PNOC: variants seen among roughly 807,000 people sequenced by gnomAD.
PNOC encodes the protein prepronociceptin.
Under a neutral mutation model 15.6 loss-of-function variants are expected in PNOC, and 10 were observed. That is an observed-to-expected ratio of 0.64 (90% confidence interval 0.40 to 1.09). PNOC has a LOEUF of 1.09. Among genes scored for constraint, PNOC ranks in the 50% least tolerant of loss-of-function variants. The probability of loss-of-function intolerance (pLI) is 0.01; values close to 1 mark genes in which losing one functional copy is unlikely to be tolerated. For missense variants in PNOC, 220 were observed against 223.9 expected, an observed-to-expected ratio of 0.98 and a Z score of 0.11; for synonymous variants, 98 against 88.5, an observed-to-expected ratio of 1.11 and a Z score of -0.60.
chr8:28,342,210 G>A (rs1331423155), intron 3 of PNOC, among the ~76,000 whole-genome samples: 1 of 151,990 alleles, frequency 6.6e-6, no homozygotes, highest in Non-Finnish European at 1.5e-5. Context: ...CCACTTAGCC[G>A]GGCGTTGTGG....
chr8:28,339,586 C>G, intron 3 of PNOC, 95 bp downstream of exon 3: 2 of 981,972 alleles, frequency 2.0e-6, no homozygotes, highest in Non-Finnish European at 2.8e-6. Flanking sequence ...TTCATCTCCC[C>G]GCCCCCTCCC....
intron 2 of PNOC, among the ~76,000 whole-genome samples, chr8:28,331,783 C>G (rs1345790515): frequency 6.6e-6 from 1 of 152,158 alleles, no homozygotes; most frequent in Non-Finnish European, 1.5e-5. Flanking sequence ...TCCTCATGTT[C>G]TGATTGTTAG....
chr8:28,342,145 G>C (rs1801530603), intron 3 of PNOC, among the ~76,000 whole-genome samples: 1 of 152,090 alleles, frequency 6.6e-6, no homozygotes. Flanking sequence ...AGAAGTTTGA[G>C]ACCAGCCTGG....
chr8:28,330,555 G>A (rs1391581451), intron 2 of PNOC, among the ~76,000 whole-genome samples: 4 of 128,374 alleles, frequency 3.1e-5, no homozygotes, highest in African/African-American at 1.1e-4. Flanking sequence ...CACCACACCC[G>A]GCTACTTTTT....
chr8:28,330,020 C>T (rs867006465), intron 2 of PNOC, among the ~76,000 whole-genome samples: 14 of 152,134 alleles, frequency 9.2e-5, no homozygotes, highest in African/African-American at 3.1e-4. Flanking sequence ...GATCTCAGTT[C>T]ACTGCAACAT....
chr8:28,329,413 A>G (rs970242114), intron 2 of PNOC, 130 bp downstream of exon 2: 3 of 1,008,284 alleles, frequency 3.0e-6, no homozygotes, highest in East Asian at 5.1e-5. Flanking sequence ...TCAGCATTAC[A>G]TGGCCCATAG....
intron 2 of PNOC, among the ~76,000 whole-genome samples, chr8:28,336,697 G>A (rs891157012): frequency 6.6e-6 from 1 of 152,070 alleles, no homozygotes; most frequent in African/African-American, 2.4e-5. Context: ...GTAATGACAT[G>A]ATTAGTTACT....
Position 28,339,284 on chromosome 8 carries a change from A to G in PNOC, c.371A>G (p.Lys124Arg), listed in dbSNP as rs1352709492. ...GAGGAGGCTGGTGAGATGGAGCAGA[A>G]GCAGCTGCAGAAGAGATTTGGGGGC... The part of the protein sequence containing the change: ...GMEEAGEMEQ[K>R]QLQKRFGGFT... Residue 124 changes from lysine (K) to arginine (R), a missense_variant, in exon 3 of 4, where the codon AAG (lysine) becomes AGG (arginine). Physicochemically the swap from Lys to Arg is conservative, Grantham distance 26. Transcript: ENST00000301908. 2 of 1,610,756 alleles carry G rather than the reference A, an allele frequency of 1.2e-6. No individual in the cohort carries two copies. The highest frequency in any genetic ancestry group is 2.2e-5 in the East Asian group (1 of 44,804).
intron 1 of PNOC, among the ~76,000 whole-genome samples, chr8:28,323,391 T>A (rs544806342): frequency 1.3e-5 from 2 of 152,210 alleles, no homozygotes; most frequent in Non-Finnish European, 2.9e-5. Context: ...CCTACTCAGG[T>A]AACTTTTGAT....
chr8:28,340,977 A>G (rs1046785830), intron 3 of PNOC, among the ~76,000 whole-genome samples: 2 of 152,252 alleles, frequency 1.3e-5, no homozygotes, highest in African/African-American at 2.4e-5. Context: ...TCTAAACTGT[A>G]TCATTGTCCT....
At position 28,330,362 on chromosome 8, in the gene PNOC, C is replaced by CTTTATTTTATTTTATTTTATTTTAT. The variant is rs71549653; in HGVS notation, c.126+1093_126+1117dup. On this transcript the variant is annotated intron_variant, in intron 2 of 3. Coordinates refer to ENST00000301908, the MANE Select transcript of PNOC (RefSeq NM_006228.5). ...TTTAACCACTGAACAGGTATGTGCCCTTTATTTTATTTTATTTTATTTTAT... is the reference window on the plus strand; with the variant it reads ...TTTAACCACTGAACAGGTATGTGCCCTTTATTTTATTTTATTTTATTTTATTTTATTTTATTTTATTTTATTTTAT... Among the ~76,000 whole-genome samples the CTTTATTTTATTTTATTTTATTTTAT allele has an allele frequency of 2.9e-3, 318 of 108,134 alleles. 6 individuals are homozygous for CTTTATTTTATTTTATTTTATTTTAT. Among genetic ancestry groups the CTTTATTTTATTTTATTTTATTTTAT allele is most frequent in the African/African-American group, 8.7e-3 (215 of 24,610 alleles). 70.9% of individuals were successfully genotyped at this position (108,134 alleles called of 152,430 possible). A position where few individuals can be genotyped will look rare whatever the true frequency, so the allele number is the denominator to read the frequency against.
chr8:28,331,586 C>T (rs188958830), intron 2 of PNOC, among the ~76,000 whole-genome samples: 2 of 152,320 alleles, frequency 1.3e-5, no homozygotes, highest in East Asian at 3.9e-4. Flanking sequence ...GCTCCAGACC[C>T]GTGTTCCCAA....
At chr8:28,319,724 C>T (rs1335145637) in intron 1 of PNOC, among the ~76,000 whole-genome samples, 1 of 152,112 alleles carries the variant, frequency 6.6e-6, no homozygotes, top group Non-Finnish European at 1.5e-5. Context: ...GCTCCCAAAG[C>T]CCACGAAGGA....
At chr8:28,329,866 TTAAG>T (rs1222619773) in intron 2 of PNOC, among the ~76,000 whole-genome samples, 1 of 152,176 alleles carries the variant, frequency 6.6e-6, no homozygotes, top group Non-Finnish European at 1.5e-5. Context: ...TTACATTATA[TTAAG>T]TATTATAAGT....
intron 3 of PNOC, among the ~76,000 whole-genome samples, chr8:28,340,571 A>G (rs866081729): frequency 6.6e-6 from 1 of 152,234 alleles, no homozygotes; most frequent in South Asian, 2.1e-4. Flanking sequence ...ACGTCTCCTT[A>G]AATAGCTAAG....
chr8:28,318,695 G>C (rs1801099912), intron 1 of PNOC, among the ~76,000 whole-genome samples: 1 of 152,106 alleles, frequency 6.6e-6, no homozygotes, highest in Non-Finnish European at 1.5e-5. Flanking sequence ...AGGGTCCCTG[G>C]AAAACCCATC....
intron 2 of PNOC, among the ~76,000 whole-genome samples, chr8:28,334,694 A>G (rs147063701): frequency 6.6e-5 from 10 of 152,052 alleles, no homozygotes; most frequent in South Asian, 2.1e-4. Flanking sequence ...AGGTCTCCCT[A>G]TGTTGCCCAG....
At chr8:28,330,092 G>T (rs1037694653) in intron 2 of PNOC, among the ~76,000 whole-genome samples, 1 of 151,656 alleles carries the variant, frequency 6.6e-6, no homozygotes, top group Admixed American at 6.6e-5. Context: ...GATTACAGAC[G>T]CCCACCACCA....
intron 1 of PNOC, among the ~76,000 whole-genome samples, chr8:28,325,651 CAA>C (rs1260926640): frequency 1.3e-4 from 7 of 54,166 alleles, no homozygotes; most frequent in Admixed American, 2.3e-4. Flanking sequence ...GACTCTGTCT[CAA>C]AAAAAAAAAA....
Sources: allele counts gnomAD v4.1 joint callset (sites outside exome capture counted in the v4.1 genomes callset), GRCh38; gene constraint gnomAD v4.1.1; transcripts MANE v1.5; gene names NCBI Gene and HGNC (gene_info 2026-07-23, HGNC 2026-07-21).